IMPA1: variants seen among roughly 807,000 people sequenced by gnomAD.
IMPA1 encodes the protein D-galactose 1-phosphate phosphatase.
In IMPA1, 21 loss-of-function variants were observed where a neutral mutation model predicts 34.9. The observed-to-expected ratio is 0.60, with a 90% confidence interval of 0.43 to 0.87. IMPA1 has a LOEUF of 0.87. Ranked by LOEUF, IMPA1 falls within the 40% of genes least tolerant of loss-of-function variation. IMPA1 has a pLI of 0.00. For missense variants in IMPA1, 299 were observed against 336.4 expected (o/e 0.89, Z 0.87); for synonymous variants, 95 against 104.4 (o/e 0.91, Z 0.55).
At chr8:81,679,026 T>C in intron 4 of IMPA1, 100 bp downstream of exon 4, 2 of 696,136 alleles carry the variant, frequency 2.9e-6, no homozygotes, top group Non-Finnish European at 5.0e-6. Context: ...ATAAACGAAG[T>C]ATACAATTTT....
intron 1 of IMPA1, among the ~76,000 whole-genome samples, chr8:81,684,162 CACATACACAT>C (rs1161485797): frequency 2.1e-5 from 3 of 141,606 alleles, no homozygotes; most frequent in Non-Finnish European, 3.1e-5. Context: ...CACATACACA[CACATACACAT>C]ATATAATACA....
At chr8:81,684,471 G>A (rs2130336044) in intron 1 of IMPA1, among the ~76,000 whole-genome samples, 1 of 93,120 alleles carries the variant, frequency 1.1e-5, no homozygotes, top group East Asian at 4.8e-4. Context: ...ACTACACACA[G>A]TATCTTTAGA....
At chr8:81,684,907 ATATT>A (rs940178233) in intron 1 of IMPA1, among the ~76,000 whole-genome samples, 2 of 133,354 alleles carry the variant, frequency 1.5e-5, no homozygotes, top group African/African-American at 5.6e-5. Context: ...ATACATAAGT[ATATT>A]TAGATACTAT....
chr8:81,684,497 C>A (rs533370125), intron 1 of IMPA1, among the ~76,000 whole-genome samples: 1 of 140,688 alleles, frequency 7.1e-6, no homozygotes, highest in Non-Finnish European at 1.5e-5. Context: ...CAGTATACTA[C>A]ACATAAGTAT....
rs370253644 is a variant in IMPA1 at position 81,679,114 on chromosome 8, T to A, written c.302+12A>T. On this transcript the variant is annotated intron_variant, in intron 4 of 8. Transcript: ENST00000256108. ...TGCAAAGAGTAATTATATTAGACAT[T>A]TTAAAACATACCTATGTACAAAGTT... 54 of 1,537,768 alleles carry A rather than the reference T, an allele frequency of 3.5e-5. No homozygotes were observed. Among genetic ancestry groups the A allele is most frequent in the Non-Finnish European group, 4.8e-5 (53 of 1,110,408 alleles).
intron 6 of IMPA1, among the ~76,000 whole-genome samples, chr8:81,671,662 C>G (rs534115172): frequency 3.0e-4 from 45 of 152,138 alleles, no homozygotes; most frequent in Non-Finnish European, 5.3e-4. Context: ...CTTTGGGAGG[C>G]GGAGGCAGGC....
intron 4 of IMPA1, among the ~76,000 whole-genome samples, chr8:81,678,052 C>A (rs891032330): frequency 6.6e-6 from 1 of 152,192 alleles, no homozygotes; most frequent in African/African-American, 2.4e-5. Flanking sequence ...GCTATTAATA[C>A]GGCCTTTTTA....
Position 81,670,527 on chromosome 8 carries a change from T to C in IMPA1, c.566+412A>G, listed in dbSNP as rs556363724. Among the ~76,000 whole-genome samples the C allele has an allele frequency of 8.5e-5, 13 of 152,202 alleles. No individual in the cohort carries two copies. The South Asian group carries it at 2.7e-3, about 32-fold the overall frequency. On this transcript the variant is annotated intron_variant, in intron 7 of 8. Transcript: ENST00000256108. ...GACAAGGTGGAAATAACCACTGATATAGAGAAGCCAGAAATTAATTATAAG... is the reference window on the plus strand; with the variant it reads ...GACAAGGTGGAAATAACCACTGATACAGAGAAGCCAGAAATTAATTATAAG...
At chr8:81,669,477 C>T (rs998034701) in intron 7 of IMPA1, among the ~76,000 whole-genome samples, 1 of 152,204 alleles carries the variant, frequency 6.6e-6, no homozygotes, top group Non-Finnish European at 1.5e-5. Flanking sequence ...TATTCTTGAG[C>T]TTTAAGATTT....
intron 1 of IMPA1, 21 bp downstream of exon 1, chr8:81,686,231 T>C: frequency 9.8e-7 from 1 of 1,023,198 alleles, no homozygotes. Context: ...GAGGGTGCGG[T>C]GAGGAAAATA....
intron 1 of IMPA1, 133 bp from the exon 2 acceptor site, chr8:81,681,717 C>T (rs1051741899): frequency 3.5e-6 from 2 of 578,964 alleles, no homozygotes; most frequent in East Asian, 5.7e-5. Context: ...AAGATTTATG[C>T]CTATACCCAG....
chr8:81,677,605 T>C (rs141697505), intron 4 of IMPA1, among the ~76,000 whole-genome samples: 6 of 152,274 alleles, frequency 3.9e-5, no homozygotes, highest in East Asian at 1.9e-4. Flanking sequence ...ATCAAGGAAA[T>C]AGACAAGATC....
intron 1 of IMPA1, among the ~76,000 whole-genome samples, chr8:81,682,816 C>A (rs1177067787): frequency 6.6e-6 from 1 of 152,120 alleles, no homozygotes; most frequent in Non-Finnish European, 1.5e-5. Flanking sequence ...TAGGGATTCT[C>A]CACCCAGAAG....
chr8:81,682,364 T>A (rs1165100991), intron 1 of IMPA1, among the ~76,000 whole-genome samples: 1 of 152,134 alleles, frequency 6.6e-6, no homozygotes, highest in Non-Finnish European at 1.5e-5. Context: ...GCACCATTTA[T>A]AAAACAACCC....
rs1807280148 is a variant in IMPA1 at position 81,680,893 on chromosome 8, G to C, written c.64-110C>G. 2.5e-5 allele frequency: 20 copies of C among 807,496 alleles called. No individual in the cohort carries two copies. In the East Asian group the frequency reaches 4.4e-4, roughly 18 times the overall value. 50.0% of individuals were successfully genotyped at this position (807,496 alleles called of 1,614,324 possible). A position where few individuals can be genotyped will look rare whatever the true frequency, so the allele number is the denominator to read the frequency against. ...TCTGTCTTAAATAATATTCTTTAAA[G>C]ACATTCTTAAAAATGTCTTACAAAT... On this transcript the variant is annotated intron_variant, in intron 2 of 8. Coordinates refer to ENST00000256108, the MANE Select transcript of IMPA1 (RefSeq NM_005536.4).
chr8:81,670,921 T>A lies in IMPA1; in HGVS notation c.566+18A>T. ...CACGTATACAAAGAGAGAGATAGAATAATGGTAAAGAGCTTACCCATGAAC... is the reference window on the plus strand; with the variant it reads ...CACGTATACAAAGAGAGAGATAGAAAAATGGTAAAGAGCTTACCCATGAAC... On this transcript the variant is annotated intron_variant, in intron 7 of 8. Coordinates refer to ENST00000256108, the MANE Select transcript of IMPA1 (RefSeq NM_005536.4). 1 of 1,256,886 alleles carries A rather than the reference T, an allele frequency of 8.0e-7. No homozygotes were observed. Among genetic ancestry groups the A allele is most frequent in the African/African-American group, 1.6e-5 (1 of 64,168 alleles). 77.9% of individuals were successfully genotyped at this position (1,256,886 alleles called of 1,614,324 possible). A position where few individuals can be genotyped will look rare whatever the true frequency, so the allele number is the denominator to read the frequency against.
chr8:81,682,292 C>G lies in IMPA1; in HGVS notation c.-24-708G>C, dbSNP rs921708506. On this transcript the variant is annotated intron_variant, in intron 1 of 8. Coordinates refer to ENST00000256108, the MANE Select transcript of IMPA1 (RefSeq NM_005536.4). Reference sequence around the variant, plus strand: ...TAAAATAACTCACCACTGGCTTGATCACACTCTGAAGTCTGTACCTAGCAC... The same window carrying G: ...TAAAATAACTCACCACTGGCTTGATGACACTCTGAAGTCTGTACCTAGCAC... Among the ~76,000 whole-genome samples, 18 of 152,192 alleles carry G rather than the reference C, an allele frequency of 1.2e-4. 1 individual carries two copies. Among genetic ancestry groups the G allele is most frequent in the Admixed American group, 6.5e-5 (1 of 15,278 alleles).
chr8:81,680,537 G>C, intron 3 of IMPA1, 113 bp downstream of exon 3: 2 of 762,828 alleles, frequency 2.6e-6, no homozygotes, highest in East Asian at 2.7e-5. Flanking sequence ...CACTTTGACT[G>C]TAACTTCATG....
chr8:81,662,889 T>A (rs1806720333), intron 7 of IMPA1, among the ~76,000 whole-genome samples: 1 of 152,222 alleles, frequency 6.6e-6, no homozygotes, highest in South Asian at 2.1e-4. Flanking sequence ...AGGAAATTGA[T>A]CCAGAATAAC....
Sources: allele counts gnomAD v4.1 joint callset (sites outside exome capture counted in the v4.1 genomes callset), GRCh38; gene constraint gnomAD v4.1.1; transcripts MANE v1.5; gene names NCBI Gene and HGNC (gene_info 2026-07-23, HGNC 2026-07-21).